The following VBP1 variants were observed in gnomAD, a reference collection of about 807,000 sequenced individuals.
VBP1 encodes the protein prefoldin subunit 3.
Under a neutral mutation model 15.5 loss-of-function variants are expected in VBP1, and 4 were observed. The ratio of observed to expected loss-of-function variants is 0.26; its 90% CI spans 0.13 to 0.59. VBP1 has a LOEUF of 0.59. Among genes scored for constraint, VBP1 ranks in the 20% least tolerant of loss-of-function variants. VBP1 has a pLI of 0.90. For missense variants in VBP1, 108 were observed against 139.6 expected (o/e 0.77, Z 1.14); for synonymous variants, 61 against 52.1 (o/e 1.17, Z -0.74).
chrX:155,224,416 A>G (rs781834578), intron 2 of VBP1, among the ~76,000 whole-genome samples: 2 of 113,097 alleles, frequency 1.8e-5, no homozygotes, highest in African/African-American at 6.4e-5. Flanking sequence ...CCCGGCCAAC[A>G]CAGCGAAACC....
chrX:155,221,439 T>C (rs1557309570), intron 2 of VBP1, among the ~76,000 whole-genome samples: 1 of 111,666 alleles, frequency 9.0e-6, no homozygotes, highest in African/African-American at 3.3e-5. Context: ...ACGTTGAGGC[T>C]GCAGTGAGAT....
chrX:155,238,431 C>A (rs183045610), intron 5 of VBP1, among the ~76,000 whole-genome samples: 12 of 111,867 alleles, frequency 1.1e-4, no homozygotes, highest in African/African-American at 3.9e-4. Flanking sequence ...GTTGAGTGAT[C>A]TTTCAGATTT....
In VBP1 at chrX:155,227,975, CTGAT is replaced by C. The variant is rs782676319; in HGVS notation, c.286-402_286-399del. ...GGTGAACTTTGTAAGACTTCAGCAA[CTGAT>C]TGATTGGGCATGAAGCACCAATGAA... On this transcript the variant is annotated intron_variant, in intron 3 of 5. Transcript: ENST00000286428. Among the ~76,000 whole-genome samples the C allele has an allele frequency of 1.9e-3, 216 of 112,156 alleles. 1 individual carries two copies. Among genetic ancestry groups the C allele is most frequent in the African/African-American group, 6.9e-3 (212 of 30,880 alleles).
intron 1 of VBP1, chrX:155,208,805 CTATTG>C: frequency 9.3e-6 from 6 of 648,196 alleles, no homozygotes; most frequent in Non-Finnish European, 1.4e-5. Flanking sequence ...TCTCATGGTA[CTATTG>C]TATTAGGAGA....
At chrX:155,233,277 G>A (rs1454364909) in intron 4 of VBP1, among the ~76,000 whole-genome samples, 3 of 111,369 alleles carry the variant, frequency 2.7e-5, no homozygotes, top group Non-Finnish European at 3.8e-5. Context: ...GGCAAAATCC[G>A]GTTCTCTGTG....
At chrX:155,215,621 G>A (rs781924489), upstream of VBP1, among the ~76,000 whole-genome samples, 2 of 112,576 alleles carry the variant, frequency 1.8e-5, no homozygotes, top group Non-Finnish European at 3.8e-5. Context: ...TGAGAAGAGA[G>A]ACTTACTTTC....
chrX:155,216,470 T>A lies in VBP1; in HGVS notation c.-13T>A. The A allele has an allele frequency of 6.9e-6, 8 of 1,165,206 alleles. No homozygotes were observed. The highest frequency in any genetic ancestry group is 9.2e-6 in the Non-Finnish European group (8 of 871,595). On this transcript the variant is annotated 5_prime_UTR_variant, in exon 1 of 6. Coordinates refer to ENST00000286428, the MANE Select transcript of VBP1 (RefSeq NM_003372.7). Reference sequence around the variant, plus strand: ...GGCGGCCCGGGAGGCAGTCGCGCGCTCGCATCCCCAAGATGGCGGCCGTTA... The same window carrying A: ...GGCGGCCCGGGAGGCAGTCGCGCGCACGCATCCCCAAGATGGCGGCCGTTA...
At chrX:155,210,583 C>T (rs1486546524) in intron 2 of VBP1, among the ~76,000 whole-genome samples, 1 of 112,004 alleles carries the variant, frequency 8.9e-6, no homozygotes, top group Non-Finnish European at 1.9e-5. Context: ...TTAGGGACTG[C>T]TACAGATCTA....
At chrX:155,230,619 G>A (rs1242372950) in intron 4 of VBP1, among the ~76,000 whole-genome samples, 1 of 110,763 alleles carries the variant, frequency 9.0e-6, no homozygotes, top group Non-Finnish European at 1.9e-5. Flanking sequence ...ACATTCCGAG[G>A]AAAAGTCCAA....
intron 1 of VBP1, 122 bp downstream of exon 1, chrX:155,216,697 C>T: frequency 1.0e-6 from 1 of 965,256 alleles, no homozygotes; most frequent in Middle Eastern, 3.4e-4. Context: ...GGAGGGGGCG[C>T]TCGGTCTGCT....
At chrX:155,231,270 T>C (rs1050817576) in intron 4 of VBP1, among the ~76,000 whole-genome samples, 1 of 111,998 alleles carries the variant, frequency 8.9e-6, no homozygotes, top group African/African-American at 3.3e-5. Flanking sequence ...GTAGCCATGG[T>C]GGCCCCCTAA....
At chrX:155,226,178 A>G (rs1338119115) in intron 2 of VBP1, among the ~76,000 whole-genome samples, 2 of 112,201 alleles carry the variant, frequency 1.8e-5, no homozygotes, top group Non-Finnish European at 3.8e-5. Flanking sequence ...ACTGTTTTGC[A>G]TATATCTCCA....
chrX:155,228,445 C>T lies in VBP1; in HGVS notation c.347C>T (p.Ser116Leu). The T allele has an allele frequency of 2.5e-6, 3 of 1,208,659 alleles. No homozygotes were observed. The highest frequency in any genetic ancestry group is 3.4e-6 in the Non-Finnish European group (3 of 893,926). ...GCAGATAACCTGTATTGCAAAGCTT[C>T]AGTTCCTCCTACCGATAAAGTGTGT... Reference protein sequence around the residue: ...LLADNLYCKASVPPTDKVCLW... With the variant: ...LLADNLYCKALVPPTDKVCLW... Residue 116 changes from serine (S) to leucine (L), a missense_variant, in exon 4 of 6, where the codon TCA becomes TTA. Transcript: ENST00000286428.
At chrX:155,237,095 AG>A (rs2074777345) in intron 5 of VBP1, among the ~76,000 whole-genome samples, 1 of 112,197 alleles carries the variant, frequency 8.9e-6, no homozygotes. Context: ...GATAAAAGTT[AG>A]GCTGCTTTTT....
intron 4 of VBP1, among the ~76,000 whole-genome samples, chrX:155,234,109 GTTTTTTTTTTTTTTTTTT>G (rs35367656): frequency 2.4e-4 from 7 of 28,679 alleles, no homozygotes; most frequent in Non-Finnish European, 2.9e-4. Context: ...TTGTTCCTCT[GTTTTTTTTTTTTTTTTTT>G]TTTTTTTTTT....
chrX:155,210,986 G>C (rs782674016), intron 2 of VBP1, among the ~76,000 whole-genome samples: 1 of 112,204 alleles, frequency 8.9e-6, no homozygotes, highest in Non-Finnish European at 1.9e-5. Flanking sequence ...CAAATAAACA[G>C]AGACTACAAT....
At chrX:155,210,206 G>A (rs2074639744) in intron 2 of VBP1, among the ~76,000 whole-genome samples, 1 of 111,667 alleles carries the variant, frequency 9.0e-6, no homozygotes, top group African/African-American at 3.3e-5. Flanking sequence ...AGCACTTTGG[G>A]AGGTTGAGGT....
At chrX:155,225,486 C>G (rs1160817768) in intron 2 of VBP1, among the ~76,000 whole-genome samples, 5 of 112,329 alleles carry the variant, frequency 4.5e-5, no homozygotes, top group African/African-American at 1.6e-4. Context: ...AGGCGTGAAT[C>G]ACTGTGCCCA....
At chrX:155,208,418 C>A (rs1453288618) in intron 1 of VBP1, among the ~76,000 whole-genome samples, 1 of 112,305 alleles carries the variant, frequency 8.9e-6, no homozygotes, top group Non-Finnish European at 1.9e-5. Flanking sequence ...CACATTTAAC[C>A]TGTAGATCGC....
Sources: allele counts gnomAD v4.1 joint callset (sites outside exome capture counted in the v4.1 genomes callset), GRCh38; gene constraint gnomAD v4.1.1; transcripts MANE v1.5; gene names NCBI Gene and HGNC (gene_info 2026-07-23, HGNC 2026-07-21).